PPP4R4: variants seen among roughly 807,000 people sequenced by gnomAD.
PPP4R4 encodes the protein protein phosphatase 4 regulatory subunit 4, also known as serine/threonine-protein phosphatase 4 regulatory subunit 4.
PPP4R4 carries 70 observed loss-of-function variants against 121.8 expected under a neutral mutation model. That is an observed-to-expected ratio of 0.57 (90% confidence interval 0.47 to 0.70). The LOEUF is 0.70. PPP4R4 is among the 30% of genes least tolerant of loss of function. PPP4R4 has a pLI of 0.00. For missense variants in PPP4R4, 875 were observed against 1,033.6 expected (o/e 0.85, Z 2.10); for synonymous variants, 348 against 355.7 (o/e 0.98, Z 0.24).
intron 3 of PPP4R4, among the ~76,000 whole-genome samples, chr14:94,221,389 C>T (rs1891380416): frequency 1.3e-5 from 2 of 152,010 alleles, no homozygotes; most frequent in African/African-American, 2.4e-5. Flanking sequence ...CTTCAGAAGA[C>T]ACTATTAAGT....
At chr14:94,208,128 T>C (rs143896563) in intron 2 of PPP4R4, among the ~76,000 whole-genome samples, 1 of 151,990 alleles carries the variant, frequency 6.6e-6, no homozygotes, top group Non-Finnish European at 1.5e-5. Context: ...TATGGCAAAC[T>C]GGCAGGTCAC....
chr14:94,176,425 A>G (rs1420467618), intron 2 of PPP4R4, among the ~76,000 whole-genome samples: 2 of 152,170 alleles, frequency 1.3e-5, no homozygotes, highest in Non-Finnish European at 1.5e-5. Flanking sequence ...CTCGCGTAAG[A>G]TTCAGTAAGT....
intron 2 of PPP4R4, among the ~76,000 whole-genome samples, chr14:94,181,135 G>C (rs528962036): frequency 6.6e-6 from 1 of 152,084 alleles, no homozygotes; most frequent in Non-Finnish European, 1.5e-5. Context: ...TATGACGTGT[G>C]TCCCCACATT....
chr14:94,234,449 A>T, intron 6 of PPP4R4, 113 bp from the exon 7 acceptor site: 4 of 659,778 alleles, frequency 6.1e-6, no homozygotes, highest in East Asian at 2.8e-5. Context: ...TTTTTTTTCT[A>T]TTAAAGTACA....
intron 2 of PPP4R4, among the ~76,000 whole-genome samples, chr14:94,208,192 T>C (rs1890563060): frequency 6.6e-6 from 1 of 152,022 alleles, no homozygotes; most frequent in South Asian, 2.1e-4. Context: ...GTCTCGAAAC[T>C]TTTAGACTTA....
intron 2 of PPP4R4, among the ~76,000 whole-genome samples, chr14:94,190,514 T>C (rs1034890421): frequency 1.3e-5 from 2 of 152,004 alleles, no homozygotes; most frequent in Non-Finnish European, 2.9e-5. Context: ...GGCAGGAGAA[T>C]TGCTTGACCC....
At chr14:94,200,484 A>G (rs1890114162) in intron 2 of PPP4R4, among the ~76,000 whole-genome samples, 1 of 152,112 alleles carries the variant, frequency 6.6e-6, no homozygotes, top group African/African-American at 2.4e-5. Context: ...TTTGTTGGCA[A>G]TTTTTAAATT....
chr14:94,231,208 G>T (rs368190796), intron 4 of PPP4R4, 34 bp from the exon 5 acceptor site: 6 of 1,540,794 alleles, frequency 3.9e-6, no homozygotes, highest in Non-Finnish European at 5.4e-6. Context: ...GAAGTGAGAC[G>T]TTTAATTTAG....
chr14:94,189,244 A>G (rs956000231), intron 2 of PPP4R4, among the ~76,000 whole-genome samples: 3 of 152,130 alleles, frequency 2.0e-5, no homozygotes, highest in Non-Finnish European at 2.9e-5. Flanking sequence ...ATCTCTGTAG[A>G]TGTTGGTTTC....
chr14:94,245,706 T>A, intron 13 of PPP4R4, 36 bp downstream of exon 13: 2 of 1,440,658 alleles, frequency 1.4e-6, no homozygotes, highest in Non-Finnish European at 1.9e-6. Context: ...CTGAGTTGTG[T>A]AAATATTATC....
intron 3 of PPP4R4, among the ~76,000 whole-genome samples, chr14:94,222,698 A>G (rs554067228): frequency 3.3e-5 from 5 of 151,144 alleles, no homozygotes; most frequent in East Asian, 1.9e-4. Context: ...AGATGTTTTT[A>G]TTAGCATAGG....
At chr14:94,188,085 T>A (rs1423925710) in intron 2 of PPP4R4, among the ~76,000 whole-genome samples, 3 of 152,218 alleles carry the variant, frequency 2.0e-5, no homozygotes, top group Non-Finnish European at 2.9e-5. Context: ...GTGGTACTTT[T>A]TTTTATAGAT....
At chr14:94,206,890 T>A (rs1437910537) in intron 2 of PPP4R4, among the ~76,000 whole-genome samples, 1 of 152,050 alleles carries the variant, frequency 6.6e-6, no homozygotes, top group Non-Finnish European at 1.5e-5. Flanking sequence ...AAAACAGAAG[T>A]CTGAAGTCAA....
intron 7 of PPP4R4, among the ~76,000 whole-genome samples, chr14:94,235,307 C>T (rs1177945405): frequency 1.3e-5 from 2 of 151,180 alleles, no homozygotes; most frequent in African/African-American, 2.4e-5. Context: ...TGTTGAGGGC[C>T]GACTACACTC....
chr14:94,188,271 T>C (rs1338750736), intron 2 of PPP4R4, among the ~76,000 whole-genome samples: 2 of 152,154 alleles, frequency 1.3e-5, no homozygotes, highest in Non-Finnish European at 2.9e-5. Context: ...CAACCTCTCA[T>C]TCTTGGAATA....
At chr14:94,200,663 G>C (rs773937021) in intron 2 of PPP4R4, among the ~76,000 whole-genome samples, 3 of 152,020 alleles carry the variant, frequency 2.0e-5, no homozygotes, top group Non-Finnish European at 4.4e-5. Context: ...TTGTATTTCT[G>C]TGGTATTGGT....
chr14:94,177,367 GTTTAC>G (rs1888736332), intron 2 of PPP4R4, among the ~76,000 whole-genome samples: 1 of 152,140 alleles, frequency 6.6e-6, no homozygotes. Context: ...TGTTTTGGGT[GTTTAC>G]TTAGAGAATA....
intron 19 of PPP4R4, 145 bp downstream of exon 19, chr14:94,259,514 GTTC>G (rs1244460535): frequency 8.5e-7 from 1 of 1,177,896 alleles, no homozygotes; most frequent in African/African-American, 1.6e-5. Flanking sequence ...TTTGAAATCT[GTTC>G]TTTTATGAAC....
At position 94,250,821 on chromosome 14, in the gene PPP4R4, A is replaced by G. The variant is rs539010420; in HGVS notation, c.1717+544A>G. On this transcript the variant is annotated intron_variant, in intron 15 of 24. Coordinates refer to ENST00000304338, the MANE Select transcript of PPP4R4 (RefSeq NM_058237.2). Reference sequence around the variant, plus strand: ...TAGTATTGATTCTAGAAATAGTTGCACACACCTATATATACTTAGTGAGTT... The same window carrying G: ...TAGTATTGATTCTAGAAATAGTTGCGCACACCTATATATACTTAGTGAGTT... Among the ~76,000 whole-genome samples, 8 of 152,106 alleles carry G rather than the reference A, an allele frequency of 5.3e-5. No individual in the cohort carries two copies. The South Asian group carries it at 1.4e-3, about 28-fold the overall frequency.
Sources: gnomAD v4.1 joint callset for allele counts (sites outside exome capture counted in the v4.1 genomes callset) on GRCh38, gnomAD v4.1.1 for gene constraint, MANE v1.5 for transcripts, NCBI Gene and HGNC (gene_info 2026-07-23, HGNC 2026-07-21) for gene names.